PLAA: variants seen among roughly 807,000 people sequenced by gnomAD.
PLAA encodes the protein phospholipase A2 activating protein, also known as phospholipase A-2-activating protein.
In PLAA, 48 loss-of-function variants were observed where a neutral mutation model predicts 84.1. The ratio of observed to expected loss-of-function variants is 0.57; its 90% CI spans 0.45 to 0.73. The LOEUF (loss-of-function observed/expected upper bound fraction) is 0.73, where lower values mean the gene tolerates loss of function less well. Among genes scored for constraint, PLAA ranks in the 30% least tolerant of loss-of-function variants. PLAA has a pLI of 0.00. For missense variants in PLAA, 903 were observed against 954.7 expected (o/e 0.95, Z 0.71); for synonymous variants, 392 against 336.6 (o/e 1.16, Z -1.80).
intron 6 of PLAA, among the ~76,000 whole-genome samples, chr9:26,924,041 A>G (rs1824858710): frequency 6.6e-6 from 1 of 152,216 alleles, no homozygotes; most frequent in Non-Finnish European, 1.5e-5. Flanking sequence ...AGGGAAAAAA[A>G]CTAAGCCTAT....
In PLAA at chr9:26,905,451, T is replaced by G; in HGVS notation, c.*60A>C. The G allele has an allele frequency of 2.5e-6, 3 of 1,195,142 alleles. No homozygotes were observed. The highest frequency in any genetic ancestry group is 3.1e-5 in the African/African-American group (2 of 65,520). The allele number at this position is 1,195,142 out of a possible 1,614,324, so 74.0% of individuals were successfully genotyped here. A position where few individuals can be genotyped will look rare whatever the true frequency, so the allele number is the denominator to read the frequency against. The stretch of plus-strand genomic sequence containing the variant: ...TTTTTTAATTATCTGTTATCAGTCA[T>G]GTCAAATGTGAGGAAAAAAACACTA... On this transcript the variant is annotated 3_prime_UTR_variant, in exon 14 of 14. Transcript: ENST00000397292.
chr9:26,905,438 C>T lies in PLAA; in HGVS notation c.*73G>A. ...CACCGTATTCTCTTTTTTTAATTAT[C>T]TGTTATCAGTCATGTCAAATGTGAG... On this transcript the variant is annotated 3_prime_UTR_variant, in exon 14 of 14. Transcript: ENST00000397292. 4 of 1,088,024 alleles carry T rather than the reference C, an allele frequency of 3.7e-6. No homozygotes were observed. In the Admixed American group the frequency reaches 9.3e-5, roughly 25 times the overall value. 67.4% of individuals were successfully genotyped at this position (1,088,024 alleles called of 1,614,324 possible). A position where few individuals can be genotyped will look rare whatever the true frequency, so the allele number is the denominator to read the frequency against.
Position 26,928,333 on chromosome 9 carries a change from T to A in PLAA, c.419A>T (p.Asn140Ile). 6.2e-7 allele frequency: 1 copy of A among 1,614,184 alleles called. No homozygotes were observed. The highest frequency in any genetic ancestry group is 8.5e-7 in the Non-Finnish European group (1 of 1,179,996). The change falls in exon 3 of 14, where the codon AAT becomes ATT. Residue 140 changes from asparagine (N) to isoleucine (I), a missense_variant. Coordinates refer to ENST00000397292, the MANE Select transcript of PLAA (RefSeq NM_001031689.3). ...CTGCAAGGTCATCATGCACTTGTCATTCAGCCAGACTTTAGCAGTGGTGTC... is the reference window on the plus strand; with the variant it reads ...CTGCAAGGTCATCATGCACTTGTCAATCAGCCAGACTTTAGCAGTGGTGTC... ...SWDTTAKVWL[N>I]DKCMMTLQGH...
At chr9:26,927,983 A>T in intron 4 of PLAA, 117 bp downstream of exon 4, 1 of 1,123,016 alleles carries the variant, frequency 8.9e-7, no homozygotes, top group Non-Finnish European at 1.3e-6. Context: ...AACTCAAATT[A>T]ATAGCTTAAA....
At chr9:26,919,583 T>C (rs1824688088) in intron 8 of PLAA, 54 bp from the exon 9 acceptor site, 2 of 922,144 alleles carry the variant, frequency 2.2e-6, no homozygotes, top group Admixed American at 1.9e-5. Context: ...TCACATATAT[T>C]AATGACATAT....
chr9:26,933,027 T>G (rs1825235940), intron 2 of PLAA, among the ~76,000 whole-genome samples: 2 of 152,034 alleles, frequency 1.3e-5, no homozygotes, highest in South Asian at 2.1e-4. Flanking sequence ...CCCAGCACTT[T>G]GGGAAGTCAA....
intron 1 of PLAA, among the ~76,000 whole-genome samples, chr9:26,941,154 G>T (rs1195600097): frequency 2.2e-5 from 1 of 46,290 alleles, no homozygotes. Context: ...AAGGTATTAA[G>T]ACAAAAAAAA....
chr9:26,946,776 G>A (rs945918705), intron 1 of PLAA, 121 bp downstream of exon 1: 15 of 1,127,126 alleles, frequency 1.3e-5, no homozygotes, highest in Non-Finnish European at 1.7e-5. Flanking sequence ...GAAGGGAGCG[G>A]AGAGCAGAGG....
intron 12 of PLAA, among the ~76,000 whole-genome samples, chr9:26,908,425 C>G (rs950355188): frequency 6.6e-6 from 1 of 151,296 alleles, no homozygotes; most frequent in Non-Finnish European, 1.5e-5. Flanking sequence ...CTTAGCCTCC[C>G]GAAGTGCTGT....
Position 26,947,111 on chromosome 9 carries a change from G to A in PLAA, c.-66C>T, listed in dbSNP as rs1195728526. The A allele has an allele frequency of 2.8e-6, 4 of 1,411,616 alleles. No individual in the cohort carries two copies. The highest frequency in any genetic ancestry group is 1.5e-5 in the South Asian group (1 of 65,964). 87.4% of individuals were successfully genotyped at this position (1,411,616 alleles called of 1,614,324 possible). On this transcript the variant is annotated 5_prime_UTR_variant, in exon 1 of 14. Coordinates refer to ENST00000397292, the MANE Select transcript of PLAA (RefSeq NM_001031689.3). ...GAGACCAGTCCGCAGGGGCGACTCG[G>A]AGAGCGCCGGGCCGCGGCGGGAGAA...
At position 26,947,224 on chromosome 9, in the gene PLAA, C is replaced by T. The variant is rs1825765387; in HGVS notation, c.-179G>A. The T allele has an allele frequency of 1.5e-6, 1 of 652,226 alleles. No homozygotes were observed. The highest frequency in any genetic ancestry group is 2.5e-6 in the Non-Finnish European group (1 of 403,944). 40.4% of individuals were successfully genotyped at this position (652,226 alleles called of 1,614,324 possible). A position where few individuals can be genotyped will look rare whatever the true frequency, so the allele number is the denominator to read the frequency against. ...CTGGGAAGGGGCGCGCCGAGCGGGC[C>T]GAGTGACACAGCAAGCCTGACAGGC... On this transcript the variant is annotated 5_prime_UTR_variant, in exon 1 of 14. Coordinates refer to ENST00000397292, the MANE Select transcript of PLAA (RefSeq NM_001031689.3).
At chr9:26,943,197 A>T (rs1022142379) in intron 1 of PLAA, among the ~76,000 whole-genome samples, 3 of 152,224 alleles carry the variant, frequency 2.0e-5, no homozygotes, top group Admixed American at 2.0e-4. Flanking sequence ...GACCTGAAGT[A>T]GTCTGAAACA....
At chr9:26,929,682 T>A (rs1420782601) in intron 2 of PLAA, among the ~76,000 whole-genome samples, 1 of 152,202 alleles carries the variant, frequency 6.6e-6, no homozygotes, top group Non-Finnish European at 1.5e-5. Context: ...AAAACTGTTG[T>A]CTTGCACTGC....
intron 11 of PLAA, among the ~76,000 whole-genome samples, chr9:26,911,217 A>C (rs2131368232): frequency 6.6e-6 from 1 of 152,198 alleles, no homozygotes; most frequent in Admixed American, 6.5e-5. Flanking sequence ...CAGTGGCGTA[A>C]TCTCGGCTCA....
chr9:26,909,033 C>T (rs1335115238), intron 12 of PLAA, among the ~76,000 whole-genome samples: 2 of 152,150 alleles, frequency 1.3e-5, no homozygotes, highest in Non-Finnish European at 2.9e-5. Flanking sequence ...TTCCCATGTT[C>T]TCATTTCATG....
chr9:26,920,265 T>G lies in PLAA; in HGVS notation c.1159A>C (p.Asn387His). Residue 387 changes from asparagine to histidine, a missense_variant, in exon 8 of 14, where the codon AAT (asparagine) becomes CAT (histidine). Asn to His is a moderately conservative substitution (Grantham distance 68). Transcript: ENST00000397292. Reference sequence around the variant, plus strand: ...AAAACTTTTCCAGATGTTTGCTGATTAGCACCAGATGAGCCAACAACATCA... The same window carrying G: ...AAAACTTTTCCAGATGTTTGCTGATGAGCACCAGATGAGCCAACAACATCA... ...IGDVVGSSGA[N>H]QQTSGKVLYE... 6.2e-7 allele frequency: 1 copy of G among 1,613,948 alleles called. No individual in the cohort carries two copies. The highest frequency in any genetic ancestry group is 2.2e-5 in the East Asian group (1 of 44,850).
chr9:26,917,832 A>G (rs1045823373), intron 9 of PLAA, among the ~76,000 whole-genome samples: 3 of 152,226 alleles, frequency 2.0e-5, no homozygotes, highest in African/African-American at 7.2e-5. Context: ...AACAAAAAAC[A>G]GTAAGGATGC....
rs2131443347 is a variant in PLAA at position 26,947,143 on chromosome 9, G to A, written c.-98C>T. The A allele has an allele frequency of 7.4e-7, 1 of 1,347,010 alleles. No individual in the cohort carries two copies. Among genetic ancestry groups the A allele is most frequent in the Non-Finnish European group, 9.7e-7 (1 of 1,032,088 alleles). The allele number at this position is 1,347,010 out of a possible 1,614,324, so 83.4% of individuals were successfully genotyped here. ...CCGGGCCGCGGCGGGAGAAGAGCCT[G>A]CAGGTAAGGGGCGGCCGGAGACCGG... On this transcript the variant is annotated 5_prime_UTR_variant, in exon 1 of 14. Transcript: ENST00000397292.
chr9:26,912,702 G>A (rs1289670525), intron 11 of PLAA, among the ~76,000 whole-genome samples: 2 of 152,096 alleles, frequency 1.3e-5, no homozygotes, highest in Non-Finnish European at 2.9e-5. Context: ...ATAATTTTAA[G>A]TTCTTAATTC....
Sources: gnomAD v4.1 joint callset for allele counts (sites outside exome capture counted in the v4.1 genomes callset) on GRCh38, gnomAD v4.1.1 for gene constraint, MANE v1.5 for transcripts, NCBI Gene and HGNC (gene_info 2026-07-23, HGNC 2026-07-21) for gene names.